Variants in STK35 observed in about 807,000 individuals in gnomAD.
STK35 encodes the protein serine/threonine-protein kinase 35.
A neutral mutation model predicts 37.3 loss-of-function variants in STK35; 17 were observed. The ratio of observed to expected loss-of-function variants is 0.46; its 90% CI spans 0.31 to 0.68. The LOEUF (loss-of-function observed/expected upper bound fraction) is 0.68. Among genes scored for constraint, STK35 ranks in the 30% least tolerant of loss-of-function variants. The pLI is 0.05. For missense variants in STK35, 595 were observed against 746.7 expected, an observed-to-expected ratio of 0.80 and a Z score of 2.37; for synonymous variants, 385 against 319.1, an observed-to-expected ratio of 1.21 and a Z score of -2.20.
intron 3 of STK35, among the ~76,000 whole-genome samples, chr20:2,120,073 A>G (rs1201780699): frequency 6.6e-6 from 1 of 152,178 alleles, no homozygotes; most frequent in Non-Finnish European, 1.5e-5. Flanking sequence ...ACAGTGTTTT[A>G]AATGTATTTT....
At chr20:2,119,436 G>A (rs1221685899) in intron 3 of STK35, among the ~76,000 whole-genome samples, 1 of 152,192 alleles carries the variant, frequency 6.6e-6, no homozygotes, top group Non-Finnish European at 1.5e-5. Context: ...AAATTGAACT[G>A]GAAAACCCAA....
At position 2,102,044 on chromosome 20, in the gene STK35, A is replaced by C. The variant is rs1038097981; in HGVS notation, c.163A>C (p.Thr55Pro). The stretch of plus-strand genomic sequence containing the variant: ...CGCCGCGGCAGCAGAAGGATCCGCT[A>C]CACGCCGGGCTCGGGCCGCCACCTC... ...ASAAAAEGSA[T>P]RRARAATSRA... Residue 55 changes from threonine to proline, a missense_variant, in exon 1 of 4, where the codon ACA (threonine) becomes CCA (proline). Thr to Pro is a conservative substitution (Grantham distance 38). Transcript: ENST00000381482. 1 of 1,525,268 alleles carries C rather than the reference A, an allele frequency of 6.6e-7. No homozygotes were observed. Among genetic ancestry groups the C allele is most frequent in the South Asian group, 1.2e-5 (1 of 83,162 alleles). 94.5% of individuals were successfully genotyped at this position (1,525,268 alleles called of 1,614,324 possible). A position where few individuals can be genotyped will look rare whatever the true frequency, so the allele number is the denominator to read the frequency against.
At chr20:2,113,324 A>G (rs1985654708) in intron 2 of STK35, among the ~76,000 whole-genome samples, 1 of 152,178 alleles carries the variant, frequency 6.6e-6, no homozygotes, top group Non-Finnish European at 1.5e-5. Flanking sequence ...GCTAACCAGA[A>G]TATCTGGTAT....
chr20:2,131,739 C>T (rs1053215961), intron 3 of STK35, among the ~76,000 whole-genome samples: 2 of 151,984 alleles, frequency 1.3e-5, no homozygotes, highest in Non-Finnish European at 2.9e-5. Flanking sequence ...AAACATAAGA[C>T]AGGGTCGCGC....
Position 2,146,667 on chromosome 20 carries a change from ACT to A in STK35, c.*2931_*2932del, listed in dbSNP as rs1404346981. ...TGTGTCCTCTGTCACTTGCTCTTTC[ACT>A]CTCTCTCTCATTCCCAGAGAGCCAC... On this transcript the variant is annotated 3_prime_UTR_variant, in exon 4 of 4. Transcript: ENST00000381482. The A allele has an allele frequency of 6.7e-6, 1 of 150,202 alleles. No homozygotes were observed. The highest frequency in any genetic ancestry group is 1.5e-5 in the Non-Finnish European group (1 of 67,384). 9.3% of individuals were successfully genotyped at this position (150,202 alleles called of 1,614,324 possible).
In STK35 at chr20:2,116,943, G is replaced by A; in HGVS notation, c.1170G>A (p.Gly390=). ...ADFGLSKVCA[G]LAPRGKEGNQ... is the part of the protein sequence containing the mutation. ...TTGGACTAAGCAAGGTCTGTGCTGG[G>A]CTGGCACCCCGAGGCAAAGAGGGCA... The change falls in exon 3 of 4, where the codon GGG becomes GGA. Residue 390 remains glycine (G), a synonymous_variant. Coordinates refer to ENST00000381482, the MANE Select transcript of STK35 (RefSeq NM_080836.4). The A allele has an allele frequency of 6.2e-7, 1 of 1,614,134 alleles. No individual in the cohort carries two copies. Among genetic ancestry groups the A allele is most frequent in the South Asian group, 1.1e-5 (1 of 91,074 alleles).
chr20:2,120,288 T>A (rs1291656929), intron 3 of STK35, among the ~76,000 whole-genome samples: 1 of 152,220 alleles, frequency 6.6e-6, no homozygotes, highest in East Asian at 1.9e-4. Flanking sequence ...AGGGCAGTTT[T>A]GGCTAAATTG....
intron 3 of STK35, among the ~76,000 whole-genome samples, chr20:2,129,146 C>G (rs1985955994): frequency 6.6e-6 from 1 of 152,148 alleles, no homozygotes; most frequent in Admixed American, 6.5e-5. Flanking sequence ...TTAAACATGA[C>G]TTTGAATTGT....
intron 3 of STK35, among the ~76,000 whole-genome samples, chr20:2,138,834 G>A (rs979959775): frequency 6.6e-6 from 1 of 152,126 alleles, no homozygotes; most frequent in East Asian, 1.9e-4. Flanking sequence ...GACCAGCCTG[G>A]GCCACATAAT....
At chr20:2,134,377 G>T (rs1001843262) in intron 3 of STK35, among the ~76,000 whole-genome samples, 1 of 152,020 alleles carries the variant, frequency 6.6e-6, no homozygotes, top group Non-Finnish European at 1.5e-5. Flanking sequence ...GCTGAAGTCT[G>T]CCTCCCTCCA....
chr20:2,145,430 C>T lies in STK35; in HGVS notation c.*1684C>T, dbSNP rs1352858486. ...TTCTATGTGACCAAGGCAGCAGGGGCTTTTACCTGCTAAGCGGCAATCCTT... is the reference window on the plus strand; with the variant it reads ...TTCTATGTGACCAAGGCAGCAGGGGTTTTTACCTGCTAAGCGGCAATCCTT... On this transcript the variant is annotated 3_prime_UTR_variant, in exon 4 of 4. Transcript: ENST00000381482. 1 of 148,688 alleles carries T rather than the reference C, an allele frequency of 6.7e-6. No individual in the cohort carries two copies. Among genetic ancestry groups the T allele is most frequent in the African/African-American group, 2.5e-5 (1 of 40,326 alleles). 9.2% of individuals were successfully genotyped at this position (148,688 alleles called of 1,614,324 possible). A position where few individuals can be genotyped will look rare whatever the true frequency, so the allele number is the denominator to read the frequency against.
intron 3 of STK35, among the ~76,000 whole-genome samples, chr20:2,128,184 G>A (rs962207676): frequency 6.6e-6 from 1 of 152,192 alleles, no homozygotes; most frequent in Admixed American, 6.5e-5. Flanking sequence ...GGTGATGGCT[G>A]ATGAACACAA....
rs1302890416 is a variant in STK35, at chr20:2,146,107, C to G, written c.*2361C>G. On this transcript the variant is annotated 3_prime_UTR_variant, in exon 4 of 4. Coordinates refer to ENST00000381482, the MANE Select transcript of STK35 (RefSeq NM_080836.4). ...TCCAGTTCTTGCTTAGTGGCACGACCTCTTTCCATAGCATAAATGCAGGCC... is the reference window on the plus strand; with the variant it reads ...TCCAGTTCTTGCTTAGTGGCACGACGTCTTTCCATAGCATAAATGCAGGCC... The G allele has an allele frequency of 1.3e-5, 2 of 152,252 alleles. No homozygotes were observed. Among genetic ancestry groups the G allele is most frequent in the African/African-American group, 4.8e-5 (2 of 41,448 alleles). The allele number at this position is 152,252 out of a possible 1,614,324, so 9.4% of individuals were successfully genotyped here.
chr20:2,113,156 A>T (rs1201064337), intron 2 of STK35, among the ~76,000 whole-genome samples: 1 of 152,168 alleles, frequency 6.6e-6, no homozygotes, highest in Non-Finnish European at 1.5e-5. Flanking sequence ...AAGTTTGATT[A>T]CTTTCCCTTC....
intron 3 of STK35, among the ~76,000 whole-genome samples, chr20:2,136,211 T>G (rs1439796014): frequency 6.6e-6 from 1 of 152,094 alleles, no homozygotes; most frequent in Non-Finnish European, 1.5e-5. Flanking sequence ...TTCTTCCCCT[T>G]GAAAGAAGGC....
At chr20:2,123,207 G>T (rs1317339622) in intron 3 of STK35, among the ~76,000 whole-genome samples, 1 of 152,186 alleles carries the variant, frequency 6.6e-6, no homozygotes, top group Admixed American at 6.5e-5. Context: ...GGCAGCTAAG[G>T]CCTGCTGAAG....
In STK35 at chr20:2,118,078, C is replaced by G. The variant is rs574545628; in HGVS notation, c.*37+663C>G. 2.0e-5 allele frequency among the ~76,000 whole-genome samples: 3 copies of G among 152,282 alleles called. No individual in the cohort carries two copies. The South Asian group carries it at 6.2e-4, about 32-fold the overall frequency. On this transcript the variant is annotated intron_variant, in intron 3 of 3. Coordinates refer to ENST00000381482, the MANE Select transcript of STK35 (RefSeq NM_080836.4). ...AAACACTATCTCTGATTGTATCCCA[C>G]CTACTCACACATCCGGTTCCACATA...
intron 2 of STK35, among the ~76,000 whole-genome samples, chr20:2,106,479 C>T (rs1035055243): frequency 6.6e-6 from 1 of 152,176 alleles, no homozygotes; most frequent in Non-Finnish European, 1.5e-5. Flanking sequence ...ATGGAACTTA[C>T]ATTTGAAAAG....
chr20:2,124,290 A>T (rs1300329018), intron 3 of STK35, among the ~76,000 whole-genome samples: 1 of 152,200 alleles, frequency 6.6e-6, no homozygotes, highest in South Asian at 2.1e-4. Context: ...GGTGATAAGC[A>T]GCCAGGTAGC....
Sources: gnomAD v4.1 joint callset for allele counts (sites outside exome capture counted in the v4.1 genomes callset) on GRCh38, gnomAD v4.1.1 for gene constraint, MANE v1.5 for transcripts, NCBI Gene and HGNC (gene_info 2026-07-23, HGNC 2026-07-21) for gene names.